The following SUSD2 variants were observed in gnomAD, a reference collection of about 807,000 sequenced individuals.
SUSD2 encodes the protein sushi domain-containing protein 2.
In SUSD2, 86 loss-of-function variants were observed where a neutral mutation model predicts 93.8. That is an observed-to-expected ratio of 0.92 (90% CI 0.77 to 1.10). SUSD2 has a LOEUF of 1.10. Ranked by LOEUF, SUSD2 falls within the 50% of genes least tolerant of loss-of-function variation. The pLI, the probability that SUSD2 is intolerant of heterozygous loss-of-function variation, is 0.00. For synonymous variants in SUSD2, 483 were observed against 485.0 expected (o/e 1.00, Z 0.05); for missense variants, 1,060 against 1,137.0 (o/e 0.93, Z 0.97).
chr22:24,187,155 CA>C (rs1353414613), intron 10 of SUSD2, 46 bp from the exon 11 acceptor site: 5 of 1,585,384 alleles, frequency 3.2e-6, no homozygotes, highest in Non-Finnish European at 4.3e-6. Context: ...CGGGAGGGGA[CA>C]AGATGCTCAC....
At position 24,184,224 on chromosome 22, in the gene SUSD2, C is replaced by T. The variant is rs2148865578; in HGVS notation, c.528C>T (p.Gly176=). The T allele has an allele frequency of 6.2e-7, 1 of 1,613,724 alleles. No individual in the cohort carries two copies. Among genetic ancestry groups the T allele is most frequent in the Non-Finnish European group, 8.5e-7 (1 of 1,180,004 alleles). ...ACTACGGCACCGCCAACACCTCAGGCAACCTCAGCCTGACCTGGCATGTCA... is the reference window on the plus strand; with the variant it reads ...ACTACGGCACCGCCAACACCTCAGGTAACCTCAGCCTGACCTGGCATGTCA... The part of the protein sequence containing the change: ...WQYYGTANTS[G]NLSLTWHVKS... The change falls in exon 4 of 15, where the codon GGC becomes GGT. Residue 176 remains glycine, a synonymous_variant. Coordinates refer to ENST00000358321, the MANE Select transcript of SUSD2 (RefSeq NM_019601.4).
In SUSD2 at chr22:24,187,674, C is replaced by T. The variant is rs1477697134; in HGVS notation, c.1995C>T (p.Phe665=). The part of the protein sequence containing the change: ...PKHDPTFEPL[F]PSETTLNPSL... ...ACGACCCCACCTTCGAGCCCCTCTT[C>T]CCCAGTGAGACCACCCTCAACCCCA... Residue 665 remains phenylalanine, a synonymous_variant, in exon 12 of 15, where the codon TTC becomes TTT. Transcript: ENST00000358321. 1.2e-6 allele frequency: 2 copies of T among 1,614,120 alleles called. No homozygotes were observed. The highest frequency in any genetic ancestry group is 4.5e-5 in the East Asian group (2 of 44,878).
intron 6 of SUSD2, 76 bp from the exon 7 acceptor site, chr22:24,185,410 C>A: frequency 6.5e-7 from 1 of 1,532,756 alleles, no homozygotes. Context: ...GGTCTCAGGA[C>A]CCCTGCAGGG....
chr22:24,186,873 G>T (rs891002955), intron 10 of SUSD2: 4 of 461,778 alleles, frequency 8.7e-6, no homozygotes, highest in Non-Finnish European at 1.6e-5. Context: ...CCTGGGAGGG[G>T]CCTGTCAGCA....
chr22:24,186,034 C>A lies in SUSD2; in HGVS notation c.1358C>A (p.Pro453Gln). ...ACCCTAGCCTCCGCCTTCGGAGACC[C>A]ACACTTTGTGACCTTCGACGGCACC... ...PPRLASAFGD[P>Q]HFVTFDGTNF... Residue 453 changes from proline to glutamine, a missense_variant, in exon 9 of 15, where the codon CCA (proline) becomes CAA (glutamine). By Grantham distance (76) the Pro-to-Gln change is moderately conservative. Transcript: ENST00000358321. 1 of 1,611,026 alleles carries A rather than the reference C, an allele frequency of 6.2e-7. No homozygotes were observed. The highest frequency in any genetic ancestry group is 8.5e-7 in the Non-Finnish European group (1 of 1,178,542).
At chr22:24,182,962 T>C (rs2047333856) in intron 1 of SUSD2, 95 bp from the exon 2 acceptor site, 1 of 1,044,708 alleles carries the variant, frequency 9.6e-7, no homozygotes, top group African/African-American at 1.6e-5. Context: ...GATGCTGCTG[T>C]CTAATGGGCT....
chr22:24,183,159 A>G lies in SUSD2; in HGVS notation c.179A>G (p.Asp60Gly), dbSNP rs755054866. 1.2e-6 allele frequency: 2 copies of G among 1,613,942 alleles called. No individual in the cohort carries two copies. Among genetic ancestry groups the G allele is most frequent in the East Asian group, 4.5e-5 (2 of 44,880 alleles). ...GLGTCCLDFR[D>G]FCLEILPYSG... ...GGCACCTGCTGCTTGGATTTCCGGG[A>G]CTTCTGCCTGGAGATATTGCCCTAC... Residue 60 changes from aspartate to glycine, a missense_variant, in exon 2 of 15, where the codon GAC (aspartate) becomes GGC (glycine). Coordinates refer to ENST00000358321, the MANE Select transcript of SUSD2 (RefSeq NM_019601.4).
intron 6 of SUSD2, 21 bp downstream of exon 6, chr22:24,185,316 C>T (rs773341903): frequency 5.0e-6 from 8 of 1,599,574 alleles, no homozygotes; most frequent in Non-Finnish European, 5.9e-6. Flanking sequence ...CATCAGGGCC[C>T]AGGAGAGGGG....
chr22:24,187,286 C>G lies in SUSD2; in HGVS notation c.1727C>G (p.Pro576Arg), dbSNP rs753847652. The G allele has an allele frequency of 6.2e-7, 1 of 1,614,064 alleles. No individual in the cohort carries two copies. The highest frequency in any genetic ancestry group is 8.5e-7 in the Non-Finnish European group (1 of 1,180,010). ...GAGLEVSVQG[P>R]FLSVSVLLPE... ...GGCCTGGAGGTCAGCGTGCAGGGCC[C>G]GTTCCTGAGTGTGTCCGTCCTGCTG... The change falls in exon 11 of 15, where the codon CCG becomes CGG. Residue 576 changes from proline to arginine, a missense_variant. Transcript: ENST00000358321.
Position 24,186,140 on chromosome 22 carries a change from G to T in SUSD2, c.1464G>T (p.Gln488His). The T allele has an allele frequency of 1.9e-6, 3 of 1,610,124 alleles. No homozygotes were observed. Among genetic ancestry groups the T allele is most frequent in the Non-Finnish European group, 2.5e-6 (3 of 1,178,336 alleles). ...ACCTGAGGGTGCAGGCGCGGGCCCA[G>T]CCCGGGACGATGTCCAACGGTGAGG... ...LTDLRVQARA[Q>H]PGTMSNGTET... The change falls in exon 9 of 15, where the codon CAG becomes CAT. Residue 488 changes from glutamine (Q) to histidine (H), a missense_variant. Around this residue, in one of 2 missense-constraint regions of SUSD2, gnomAD observed 973 missense variants for 1,005.3 expected, o/e 0.97. Coordinates refer to ENST00000358321, the MANE Select transcript of SUSD2 (RefSeq NM_019601.4).
rs1043221157 is a variant in SUSD2 at position 24,182,904 on chromosome 22, T to C, written c.77-153T>C. The C allele has an allele frequency of 3.5e-3, 2,212 of 625,482 alleles. 33 individuals carry two copies. The African/African-American group carries it at 0.035, about 10-fold the overall frequency. The allele number at this position is 625,482 out of a possible 1,614,324, so 38.7% of individuals were successfully genotyped here. A position where few individuals can be genotyped will look rare whatever the true frequency, so the allele number is the denominator to read the frequency against. On this transcript the variant is annotated intron_variant, in intron 1 of 14. Coordinates refer to ENST00000358321, the MANE Select transcript of SUSD2 (RefSeq NM_019601.4). Reference sequence around the variant, plus strand: ...CCCCACGGGCCCTGTGGCTTTCTACTGTGTCCACCTGGTGGCCTGTGCAGT... The same window carrying C: ...CCCCACGGGCCCTGTGGCTTTCTACCGTGTCCACCTGGTGGCCTGTGCAGT...
In SUSD2 at chr22:24,186,018, T is replaced by C. The variant is rs1286662235; in HGVS notation, c.1342T>C (p.Ser448Pro). 1 of 1,606,946 alleles carries C rather than the reference T, an allele frequency of 6.2e-7. No homozygotes were observed. The highest frequency in any genetic ancestry group is 1.3e-5 in the African/African-American group (1 of 74,838). Residue 448 changes from serine (S) to proline (P), a missense_variant and splice_region_variant, in exon 9 of 15, where the codon TCC becomes CCC. By Grantham distance (74) the Ser-to-Pro change is moderately conservative. Transcript: ENST00000358321. ...CRNYRPPRLASAFGDPHFVTF... is the reference protein window; with the variant it reads ...CRNYRPPRLAPAFGDPHFVTF... The stretch of plus-strand genomic sequence containing the variant: ...GTGACCCTCCACTCTCACCCTAGCC[T>C]CCGCCTTCGGAGACCCACACTTTGT...
chr22:24,184,326 G>T (rs1477764940), intron 4 of SUSD2, 23 bp downstream of exon 4: 1 of 1,610,416 alleles, frequency 6.2e-7, no homozygotes, highest in Admixed American at 1.7e-5. Flanking sequence ...GAGGGCTGGG[G>T]TGGCATCAGA....
At chr22:24,185,390 G>A in intron 6 of SUSD2, 95 bp downstream of exon 6, 1 of 1,537,454 alleles carries the variant, frequency 6.5e-7, no homozygotes. Flanking sequence ...GTCCTGGAGG[G>A]TGGGGCTGGG....
rs775393800 is a variant in SUSD2, at chr22:24,183,585, C to A, written c.378C>A (p.Ile126=). ...CTCTGCTCTATGAGAGCGGCCGCATCCCCTTCACTGTGTCACTGGACAACG... is the reference window on the plus strand; with the variant it reads ...CTCTGCTCTATGAGAGCGGCCGCATACCCTTCACTGTGTCACTGGACAACG... ...VSPLLYESGR[I]PFTVSLDNGH... The change falls in exon 3 of 15, where the codon ATC becomes ATA. Residue 126 remains isoleucine (I), a synonymous_variant. Coordinates refer to ENST00000358321, the MANE Select transcript of SUSD2 (RefSeq NM_019601.4). The A allele has an allele frequency of 1.2e-6, 2 of 1,613,452 alleles. No individual in the cohort carries two copies. The highest frequency in any genetic ancestry group is 1.7e-5 in the Admixed American group (1 of 60,026).
At position 24,188,423 on chromosome 22, in the gene SUSD2, G is replaced by A. The variant is rs1190390243; in HGVS notation, c.2456G>A (p.Gly819Asp). ...RRRKGNTHVWGAQP is the reference protein window; with the variant it reads ...RRRKGNTHVWDAQP Reference sequence around the variant, plus strand: ...CGTTTCTGTTGCAGGCACGTCTGGGGTGCACAGCCCTGATGGGAGCAGCTT... The same window carrying A: ...CGTTTCTGTTGCAGGCACGTCTGGGATGCACAGCCCTGATGGGAGCAGCTT... Residue 819 changes from glycine to aspartate, a missense_variant, in exon 15 of 15, where the codon GGT becomes GAT. Physicochemically the swap from Gly to Asp is moderately conservative, Grantham distance 94. Around this residue, in one of 2 missense-constraint regions of SUSD2, gnomAD observed 973 missense variants for 1,005.3 expected, o/e 0.97. Transcript: ENST00000358321. The surrounding 1 kb of genome is among the most constrained non-coding windows in gnomAD (Gnocchi z 4.7). 1.9e-6 allele frequency: 3 copies of A among 1,611,040 alleles called. No homozygotes were observed. The highest frequency in any genetic ancestry group is 4.5e-5 in the East Asian group (2 of 44,848).
chr22:24,185,781 C>A lies in SUSD2; in HGVS notation c.1191C>A (p.Phe397Leu). 6.2e-7 allele frequency: 1 copy of A among 1,610,198 alleles called. No homozygotes were observed. Among genetic ancestry groups the A allele is most frequent in the African/African-American group, 1.3e-5 (1 of 74,984 alleles). Reference protein sequence around the residue: ...DRGHDWGAPPFRTPPRVPSMS... With the variant: ...DRGHDWGAPPLRTPPRVPSMS... ...GCCATGACTGGGGCGCACCCCCGTT[C>A]CGCACGCCACCCCGAGTGCCCAGCA... Residue 397 changes from phenylalanine (F) to leucine (L), a missense_variant, in exon 8 of 15, where the codon TTC becomes TTA. Coordinates refer to ENST00000358321, the MANE Select transcript of SUSD2 (RefSeq NM_019601.4).
chr22:24,183,551 G>A lies in SUSD2; in HGVS notation c.344G>A (p.Cys115Tyr), dbSNP rs2047339605. ...GTGGACTCCTCCGGGCAAGTGCACT[G>A]TGTGTCACCTCTGCTCTATGAGAGC... ...GHVDSSGQVHCVSPLLYESGR... is the reference protein window; with the variant it reads ...GHVDSSGQVHYVSPLLYESGR... Residue 115 changes from cysteine to tyrosine, a missense_variant, in exon 3 of 15, where the codon TGT becomes TAT. Physicochemically the swap from Cys to Tyr is radical, Grantham distance 194. Coordinates refer to ENST00000358321, the MANE Select transcript of SUSD2 (RefSeq NM_019601.4). 1.2e-6 allele frequency: 2 copies of A among 1,613,452 alleles called. No homozygotes were observed. The highest frequency in any genetic ancestry group is 2.2e-5 in the East Asian group (1 of 44,874).
chr22:24,188,547 C>T lies in SUSD2; in HGVS notation c.*111C>T. On this transcript the variant is annotated 3_prime_UTR_variant, in exon 15 of 15. Transcript: ENST00000358321. This position sits in a 1 kb window ranked among gnomAD's most constrained non-coding sequence, Gnocchi z 4.7. ...ACACCTGGGACCTGGATACTTGATA[C>T]CTGGGCATTTAACCCCCTACTCTGT... is the stretch of plus-strand genomic sequence containing the variant. The T allele has an allele frequency of 1.9e-6, 2 of 1,059,820 alleles. No individual in the cohort carries two copies. Among genetic ancestry groups the T allele is most frequent in the South Asian group, 1.4e-5 (1 of 73,060 alleles). 65.7% of individuals were successfully genotyped at this position (1,059,820 alleles called of 1,614,324 possible). A position where few individuals can be genotyped will look rare whatever the true frequency, so the allele number is the denominator to read the frequency against.
Sources: gnomAD v4.1 joint callset for allele counts on GRCh38, gnomAD v4.1.1 for gene constraint, gnomAD v4.1.1 regional missense constraint, Gnocchi (gnomAD v3.1) non-coding constraint, MANE v1.5 for transcripts, NCBI Gene and HGNC (gene_info 2026-07-23, HGNC 2026-07-21) for gene names.